Variants in OR51B5 observed in about 807,000 individuals in gnomAD.
The protein encoded by OR51B5 is olfactory receptor 51B5.
For missense variants in OR51B5, 456 were observed against 374.6 expected, an observed-to-expected ratio of 1.22 and a Z score of -1.79; for synonymous variants, 186 against 144.8, an observed-to-expected ratio of 1.28 and a Z score of -2.04.
chr11:5,430,588 GC>G (rs1380791361), intron 1 of OR51B5: 1 of 399,114 alleles, frequency 2.5e-6, no homozygotes, highest in Non-Finnish European at 5.1e-6. Flanking sequence ...GTAGAGCTTT[GC>G]CCATAGCAGA....
At chr11:5,486,553 A>G (rs1481620357) in intron 1 of OR51B5, among the ~76,000 whole-genome samples, 1 of 152,138 alleles carries the variant, frequency 6.6e-6, no homozygotes, top group Non-Finnish European at 1.5e-5. Flanking sequence ...TCTGAGATTG[A>G]GCAGCCACAA....
chr11:5,390,726 G>A (rs951434535), intron 1 of OR51B5: 2 of 194,546 alleles, frequency 1.0e-5, no homozygotes, highest in Non-Finnish European at 1.1e-5. Context: ...GAGCCTGGCA[G>A]AGACCAGGTA....
At chr11:5,483,732 C>T (rs1007673897) in intron 1 of OR51B5, among the ~76,000 whole-genome samples, 1 of 151,996 alleles carries the variant, frequency 6.6e-6, no homozygotes, top group African/African-American at 2.4e-5. Flanking sequence ...AATAGATGGA[C>T]CACAGATCAA....
At chr11:5,343,742 C>T (rs769364690), upstream of OR51B5, 20 of 414,456 alleles carry the variant, frequency 4.8e-5, no homozygotes, top group African/African-American at 6.1e-5. Flanking sequence ...CTCCTACCTA[C>T]GTAATCAAAT....
chr11:5,444,273 C>T (rs565807325), intron 1 of OR51B5, among the ~76,000 whole-genome samples: 1 of 152,244 alleles, frequency 6.6e-6, no homozygotes, highest in African/African-American at 2.4e-5. Context: ...AACTTTTCTC[C>T]AGCTGTACAC....
At chr11:5,383,905 T>C (rs1467285028) in intron 1 of OR51B5, 2 of 152,284 alleles carry the variant, frequency 1.3e-5, no homozygotes, top group Non-Finnish European at 2.9e-5. Context: ...CACATTTTTG[T>C]TATTACCTGC....
intron 1 of OR51B5, among the ~76,000 whole-genome samples, chr11:5,489,922 C>T (rs566308023): frequency 6.6e-6 from 1 of 152,178 alleles, no homozygotes; most frequent in Non-Finnish European, 1.5e-5. Flanking sequence ...CTGTGACTTA[C>T]TAAGGAGAAA....
chr11:5,426,411 A>T (rs537638543), intron 1 of OR51B5, among the ~76,000 whole-genome samples: 1 of 152,310 alleles, frequency 6.6e-6, no homozygotes, highest in Non-Finnish European at 1.5e-5. Flanking sequence ...TGAAATGCAC[A>T]ATGTGACCAG....
rs577823530 is a variant in OR51B5 at position 5,359,378 on chromosome 11, G to A, written n.85-12468C>T. On this transcript the variant is annotated intron_variant and non_coding_transcript_variant, in intron 1 of 4. Coordinates refer to the OR51B5 transcript ENST00000415970. ...ACAAACAGAGAGCCAAATCATGAGG[G>A]AACTCCCATTCACAATTGCTTCAAA... is the stretch of plus-strand genomic sequence containing the variant. Among the ~76,000 whole-genome samples, 4 of 143,628 alleles carry A rather than the reference G, an allele frequency of 2.8e-5. No homozygotes were observed. In the South Asian group the frequency reaches 9.4e-4, roughly 34 times the overall value. 94.2% of individuals were successfully genotyped at this position (143,628 alleles called of 152,430 possible).
chr11:5,389,944 A>T lies in OR51B5; in HGVS notation n.85-43034T>A, dbSNP rs188502731. On this transcript the variant is annotated intron_variant and non_coding_transcript_variant, in intron 1 of 4. Transcript: ENST00000415970. ...TCCTGAAGGCTTTTCCCTACTGTGG[A>T]TCTGTGGTCCTCTCCCACTCATTTT... 3.0e-5 allele frequency: 49 copies of T among 1,611,194 alleles called. No individual in the cohort carries two copies. In the African/African-American group the frequency reaches 5.7e-4, roughly 19 times the overall value.
chr11:5,385,669 TAC>T (rs1849677668), intron 1 of OR51B5, among the ~76,000 whole-genome samples: 1 of 148,032 alleles, frequency 6.8e-6, no homozygotes, highest in African/African-American at 2.5e-5. Context: ...TAATAAAGAA[TAC>T]GTATAAATAC....
intron 1 of OR51B5, among the ~76,000 whole-genome samples, chr11:5,465,921 C>A (rs1157075943): frequency 2.6e-5 from 4 of 151,334 alleles, no homozygotes; most frequent in African/African-American, 7.3e-5. Context: ...GTCCAAAACA[C>A]CAAAAGCAAT....
At chr11:5,434,126 C>G (rs1206612152) in intron 1 of OR51B5, among the ~76,000 whole-genome samples, 1 of 152,104 alleles carries the variant, frequency 6.6e-6, no homozygotes, top group Non-Finnish European at 1.5e-5. Context: ...CACCCCATAC[C>G]GATTAAAGTA....
intron 1 of OR51B5, among the ~76,000 whole-genome samples, chr11:5,484,833 C>T (rs533463481): frequency 6.6e-5 from 10 of 152,322 alleles, no homozygotes; most frequent in African/African-American, 2.2e-4. Context: ...ACAAACATTA[C>T]ATATGTATTA....
At chr11:5,342,536 T>TAA (rs1564911506), downstream of OR51B5, 1 of 1,521,836 alleles carries the variant, frequency 6.6e-7, no homozygotes, top group African/African-American at 1.4e-5. Flanking sequence ...GCTCTCCTGC[T>TAA]AAATATTAGA....
chr11:5,393,551 A>G (rs1849827784), intron 1 of OR51B5, among the ~76,000 whole-genome samples: 1 of 152,176 alleles, frequency 6.6e-6, no homozygotes, highest in East Asian at 1.9e-4. Context: ...TAATCTAAAA[A>G]GAGCATTTTA....
At chr11:5,380,640 AT>A (rs1315390405) in intron 1 of OR51B5, among the ~76,000 whole-genome samples, 1 of 152,126 alleles carries the variant, frequency 6.6e-6, no homozygotes, top group South Asian at 2.1e-4. Context: ...ACACACATAG[AT>A]TTGTGTGAGA....
chr11:5,397,993 C>G (rs966605715), intron 1 of OR51B5, among the ~76,000 whole-genome samples: 1 of 151,854 alleles, frequency 6.6e-6, no homozygotes, highest in African/African-American at 2.4e-5. Context: ...TAGGTGGGAA[C>G]TGAACAATGA....
intron 1 of OR51B5, among the ~76,000 whole-genome samples, chr11:5,411,651 G>C (rs974579906): frequency 1.3e-5 from 2 of 152,296 alleles, no homozygotes; most frequent in South Asian, 4.1e-4. Context: ...GGTTTACATG[G>C]AAAAGGGCAG....
Sources: gnomAD v4.1 joint callset for allele counts (sites outside exome capture counted in the v4.1 genomes callset) on GRCh38, gnomAD v4.1.1 for gene constraint, MANE v1.5 for transcripts, NCBI Gene and HGNC (gene_info 2026-07-23, HGNC 2026-07-21) for gene names.